MOB1B: variants seen among roughly 807,000 people sequenced by gnomAD.
The protein encoded by MOB1B is MOB1 Mps One Binder homolog B.
MOB1B carries 19 observed loss-of-function variants against 24.4 expected under a neutral mutation model. That is an observed-to-expected ratio of 0.78 (90% CI 0.54 to 1.14). MOB1B has a LOEUF of 1.14. Among genes scored for constraint, MOB1B ranks in the 50% most tolerant of loss-of-function variants. The pLI, the probability that MOB1B is intolerant of heterozygous loss-of-function variation, is 0.00. For synonymous variants in MOB1B, 76 were observed against 82.1 expected (o/e 0.93, Z 0.40); for missense variants, 243 against 259.6 (o/e 0.94, Z 0.44).
chr4:70,924,899 A>T (rs1736587990), intron 1 of MOB1B, among the ~76,000 whole-genome samples: 2 of 152,204 alleles, frequency 1.3e-5, no homozygotes, highest in African/African-American at 4.8e-5. Flanking sequence ...ATTGATGGAC[A>T]TTTGGGTTGA....
At chr4:70,963,403 G>A (rs1738382887) in intron 2 of MOB1B, among the ~76,000 whole-genome samples, 1 of 152,038 alleles carries the variant, frequency 6.6e-6, no homozygotes, top group Non-Finnish European at 1.5e-5. Flanking sequence ...CGTAAGGAGA[G>A]AAGAAGAATC....
intron 1 of MOB1B, among the ~76,000 whole-genome samples, chr4:70,913,498 C>T (rs1042126371): frequency 3.3e-5 from 5 of 151,872 alleles, no homozygotes; most frequent in African/African-American, 1.2e-4. Context: ...CCCACATTGC[C>T]AGGGCTGGTC....
chr4:70,982,902 G>GT lies in MOB1B; in HGVS notation c.*846dup, dbSNP rs1739262207. ...TTTCCTAGTAATTGCCAAATGAGCC[G>GT]TAAGTCTGCAGAATTCCCTTCTACT... On this transcript the variant is annotated 3_prime_UTR_variant, in exon 6 of 6. Coordinates refer to ENST00000309395, the MANE Select transcript of MOB1B (RefSeq NM_173468.4). The GT allele has an allele frequency of 1.3e-5, 2 of 152,516 alleles. No homozygotes were observed. The highest frequency in any genetic ancestry group is 2.4e-5 in the African/African-American group (1 of 41,418). 9.4% of individuals were successfully genotyped at this position (152,516 alleles called of 1,614,324 possible).
chr4:70,908,844 G>T (rs1735864020), intron 1 of MOB1B, among the ~76,000 whole-genome samples: 1 of 151,070 alleles, frequency 6.6e-6, no homozygotes, highest in Admixed American at 6.6e-5. Context: ...GAGGTCAGGA[G>T]TTCAAGACCA....
At chr4:70,928,006 A>T (rs541655796) in intron 1 of MOB1B, among the ~76,000 whole-genome samples, 1 of 152,180 alleles carries the variant, frequency 6.6e-6, no homozygotes, top group South Asian at 2.1e-4. Context: ...CGTTCCTGTT[A>T]TTCTGGCTGT....
chr4:70,923,252 T>A (rs985861608), intron 1 of MOB1B, among the ~76,000 whole-genome samples: 3 of 152,132 alleles, frequency 2.0e-5, no homozygotes, highest in African/African-American at 7.2e-5. Flanking sequence ...CCTCAGAACC[T>A]CTGCAAGAGC....
intron 1 of MOB1B, among the ~76,000 whole-genome samples, chr4:70,932,935 A>T (rs1365936792): frequency 6.6e-6 from 1 of 152,202 alleles, no homozygotes; most frequent in Non-Finnish European, 1.5e-5. Flanking sequence ...TACTGTAAGA[A>T]CGCTGGGTCA....
chr4:70,905,418 T>C (rs1313363461), intron 1 of MOB1B, among the ~76,000 whole-genome samples: 2 of 151,910 alleles, frequency 1.3e-5, no homozygotes, highest in Non-Finnish European at 1.5e-5. Flanking sequence ...CTAGCTAATT[T>C]TTTTTTTTTC....
intron 1 of MOB1B, among the ~76,000 whole-genome samples, chr4:70,937,813 A>G (rs1380051150): frequency 1.3e-5 from 2 of 152,178 alleles, no homozygotes; most frequent in African/African-American, 2.4e-5. Context: ...GGCGTGAGCC[A>G]CCGTGCCCGG....
At chr4:70,968,461 GC>G (rs376683210) in intron 2 of MOB1B, among the ~76,000 whole-genome samples, 4 of 152,000 alleles carry the variant, frequency 2.6e-5, no homozygotes, top group African/African-American at 9.7e-5. Flanking sequence ...ACAGGCATGC[GC>G]CACCACACCC....
rs1453880937 is a variant in MOB1B at position 70,957,468 on chromosome 4, C to T, written c.15-1406C>T. On this transcript the variant is annotated intron_variant, in intron 1 of 5. Transcript: ENST00000309395. The stretch of plus-strand genomic sequence containing the variant: ...TTTTTTTAAAGAGGCAGGCCTCATT[C>T]TGTTGCCCAGGCTGGAGTAGAGTGG... Among the ~76,000 whole-genome samples the T allele has an allele frequency of 2.7e-5, 4 of 149,790 alleles. No individual in the cohort carries two copies. In the East Asian group the frequency reaches 7.8e-4, roughly 29 times the overall value.
intron 1 of MOB1B, among the ~76,000 whole-genome samples, chr4:70,921,420 A>T (rs959953861): frequency 6.6e-6 from 1 of 151,178 alleles, no homozygotes; most frequent in Non-Finnish European, 1.5e-5. Context: ...TAACTATATT[A>T]AAAAAAGAAT....
intron 1 of MOB1B, among the ~76,000 whole-genome samples, chr4:70,921,884 A>T (rs1296036164): frequency 6.6e-6 from 1 of 152,108 alleles, no homozygotes; most frequent in Non-Finnish European, 1.5e-5. Flanking sequence ...AATTAGCCTT[A>T]TGTCTTCAAT....
Position 70,964,791 on chromosome 4 carries a change from G to A in MOB1B, c.182-5140G>A, listed in dbSNP as rs145822053. ...CTAAAAATACAAAAATTAGCTGGGCGTGGTTGGGGCATGCCTGTATCCCAG... is the reference window on the plus strand; with the variant it reads ...CTAAAAATACAAAAATTAGCTGGGCATGGTTGGGGCATGCCTGTATCCCAG... On this transcript the variant is annotated intron_variant, in intron 2 of 5. Coordinates refer to ENST00000309395, the MANE Select transcript of MOB1B (RefSeq NM_173468.4). Among the ~76,000 whole-genome samples, 570 of 151,994 alleles carry A rather than the reference G, an allele frequency of 3.8e-3. 3 individuals carry two copies. The highest frequency in any genetic ancestry group is 0.011 in the African/African-American group (457 of 41,452).
intron 2 of MOB1B, among the ~76,000 whole-genome samples, chr4:70,966,574 A>G (rs1287063097): frequency 6.6e-6 from 1 of 151,842 alleles, no homozygotes; most frequent in Non-Finnish European, 1.5e-5. Context: ...GGGTTTCTCC[A>G]TGTTGGTCAG....
At position 70,958,928 on chromosome 4, in the gene MOB1B, T is replaced by C; in HGVS notation, c.69T>C (p.Ser23=). 6.2e-7 allele frequency: 1 copy of C among 1,614,136 alleles called. No individual in the cohort carries two copies. The highest frequency in any genetic ancestry group is 8.5e-7 in the Non-Finnish European group (1 of 1,180,006). ...CAAAGAAGAACATTCCAGAGGGTTC[T>C]CACCAGTATGAGCTCTTAAAACACG... The part of the protein sequence containing the change: ...FKPKKNIPEG[S]HQYELLKHAE... The change falls in exon 2 of 6, where the codon TCT becomes TCC. Residue 23 remains serine (S), a synonymous_variant. Coordinates refer to ENST00000309395, the MANE Select transcript of MOB1B (RefSeq NM_173468.4).
chr4:70,963,063 A>T (rs1255469015), intron 2 of MOB1B, among the ~76,000 whole-genome samples: 1 of 152,178 alleles, frequency 6.6e-6, no homozygotes, highest in Non-Finnish European at 1.5e-5. Flanking sequence ...TGTAAAGAAA[A>T]TAAAAAATGA....
chr4:70,950,435 A>G, intron 1 of MOB1B, among the ~76,000 whole-genome samples: 1 of 151,472 alleles, frequency 6.6e-6, no homozygotes, highest in Admixed American at 6.6e-5. Flanking sequence ...ATCAAAAAAA[A>G]AAAAAAAAAA....
intron 2 of MOB1B, among the ~76,000 whole-genome samples, chr4:70,963,551 G>A (rs1738388736): frequency 6.6e-6 from 1 of 151,328 alleles, no homozygotes; most frequent in African/African-American, 2.4e-5. Flanking sequence ...CGGGCATGGT[G>A]GCTCATGCCT....
Sources: gnomAD v4.1 joint callset for allele counts (sites outside exome capture counted in the v4.1 genomes callset) on GRCh38, gnomAD v4.1.1 for gene constraint, MANE v1.5 for transcripts, NCBI Gene and HGNC (gene_info 2026-07-23, HGNC 2026-07-21) for gene names.